The following ROCK2 variants were observed in gnomAD, a reference collection of about 807,000 sequenced individuals.
ROCK2 encodes the protein rho-associated protein kinase 2.
A neutral mutation model predicts 195.1 loss-of-function variants in ROCK2; 61 were observed. That is an observed-to-expected ratio of 0.31 (90% CI 0.25 to 0.39). The LOEUF is 0.39. Ranked by LOEUF, ROCK2 falls within the 10% of genes least tolerant of loss-of-function variation. ROCK2 has a pLI of 1.00. For missense variants in ROCK2, 1,109 were observed against 1,637.4 expected (o/e 0.68, Z 5.57); for synonymous variants, 504 against 545.5 (o/e 0.92, Z 1.06).
At chr2:11,267,069 A>G (rs907867513) in intron 3 of ROCK2, among the ~76,000 whole-genome samples, 1 of 152,226 alleles carries the variant, frequency 6.6e-6, no homozygotes, top group African/African-American at 2.4e-5. Flanking sequence ...TGCCATTAAG[A>G]CATGATAAAT....
chr2:11,218,888 C>A, intron 10 of ROCK2, 78 bp downstream of exon 10: 1 of 807,308 alleles, frequency 1.2e-6, no homozygotes, highest in Non-Finnish European at 2.0e-6. Context: ...ATCAAATTAG[C>A]TTTTTAAAAA....
intron 1 of ROCK2, among the ~76,000 whole-genome samples, chr2:11,294,236 CATT>C (rs1165939920): frequency 5.9e-5 from 9 of 152,066 alleles, no homozygotes; most frequent in African/African-American, 2.2e-4. Flanking sequence ...CAAAAAATCA[CATT>C]ATTGATTTGA....
chr2:11,237,230 G>A (rs1479939862), intron 4 of ROCK2, among the ~76,000 whole-genome samples: 1 of 152,080 alleles, frequency 6.6e-6, no homozygotes, highest in Non-Finnish European at 1.5e-5. Flanking sequence ...ACATTAGGCT[G>A]ATATGAGGAC....
intron 4 of ROCK2, among the ~76,000 whole-genome samples, chr2:11,245,732 G>C (rs966030207): frequency 2.6e-5 from 4 of 152,088 alleles, no homozygotes; most frequent in Admixed American, 2.0e-4. Context: ...GATTATTAAG[G>C]CTTCGTTAAA....
chr2:11,214,790 T>A (rs1325277413), intron 16 of ROCK2, 50 bp downstream of exon 16: 1 of 1,517,536 alleles, frequency 6.6e-7, no homozygotes, highest in African/African-American at 1.4e-5. Flanking sequence ...AAGTTATTTT[T>A]AAAATAAGAA....
intron 3 of ROCK2, among the ~76,000 whole-genome samples, chr2:11,281,680 T>C (rs1242455697): frequency 2.0e-5 from 3 of 152,146 alleles, no homozygotes; most frequent in Non-Finnish European, 4.4e-5. Context: ...ATATGAGCAA[T>C]GTATATGAAA....
chr2:11,320,733 C>T (rs1668374757), intron 1 of ROCK2, among the ~76,000 whole-genome samples: 1 of 152,150 alleles, frequency 6.6e-6, no homozygotes. Context: ...AGACGGTGGT[C>T]CCTCCCTGAG....
intron 1 of ROCK2, among the ~76,000 whole-genome samples, chr2:11,316,691 T>A (rs569587371): frequency 6.6e-6 from 1 of 152,252 alleles, no homozygotes; most frequent in East Asian, 1.9e-4. Context: ...AAAAAGTAAA[T>A]TTCTTTAAGA....
At chr2:11,250,301 G>T (rs1005325104) in intron 3 of ROCK2, among the ~76,000 whole-genome samples, 8 of 152,086 alleles carry the variant, frequency 5.3e-5, no homozygotes, top group African/African-American at 1.9e-4. Context: ...TAATTAAAGG[G>T]TTTTTTTGTT....
intron 3 of ROCK2, among the ~76,000 whole-genome samples, chr2:11,253,708 T>C (rs969476359): frequency 1.3e-5 from 2 of 152,262 alleles, no homozygotes; most frequent in Admixed American, 1.3e-4. Context: ...TCACTAAATA[T>C]TTAATGACTC....
In ROCK2 at chr2:11,180,737, G is replaced by A. The variant is rs956452297; in HGVS notation, c.*2700C>T. ...CTTATATTTATCTTGGAAGCTTCAGGGCCTCAAGAAAAACGAGAAACGAGC... is the reference window on the plus strand; with the variant it reads ...CTTATATTTATCTTGGAAGCTTCAGAGCCTCAAGAAAAACGAGAAACGAGC... On this transcript the variant is annotated 3_prime_UTR_variant, in exon 33 of 33. Coordinates refer to ENST00000315872, the MANE Select transcript of ROCK2 (RefSeq NM_004850.5). The A allele has an allele frequency of 1.3e-5, 2 of 152,096 alleles. No homozygotes were observed. The highest frequency in any genetic ancestry group is 2.9e-5 in the Non-Finnish European group (2 of 68,028). The allele number at this position is 152,096 out of a possible 1,614,324, so 9.4% of individuals were successfully genotyped here.
At chr2:11,236,104 T>C (rs576194367) in intron 4 of ROCK2, 142 bp from the exon 5 acceptor site, 2 of 768,362 alleles carry the variant, frequency 2.6e-6, no homozygotes, top group South Asian at 6.1e-5. Context: ...AGATCTTTTA[T>C]TTTAGACTCA....
upstream of ROCK2, chr2:11,344,669 TCCGCCCGCAGCCGCCGGCGCGCGTCC>T (rs1315649044): frequency 6.4e-6 from 1 of 155,890 alleles, no homozygotes; most frequent in Non-Finnish European, 1.3e-5. The surrounding 1 kb of genome is among the most constrained non-coding windows in gnomAD (Gnocchi z 5.4). Context: ...CACAAGCCCC[TCCGCCCGCAGCCGCCGGCGCGCGTCC>T]CCGCCGGCCC....
At chr2:11,308,358 A>G (rs1667928262) in intron 1 of ROCK2, 1 of 1,263,238 alleles carries the variant, frequency 7.9e-7, no homozygotes, top group Non-Finnish European at 1.2e-6. Context: ...TTTGATGTTT[A>G]GCCTGTCCCA....
intron 29 of ROCK2, 95 bp from the exon 30 acceptor site, chr2:11,193,952 T>C (rs1663530591): frequency 5.1e-6 from 3 of 583,040 alleles, no homozygotes; most frequent in Non-Finnish European, 8.6e-6. Flanking sequence ...AAACACTGAC[T>C]ACTTTGACCC....
intron 3 of ROCK2, among the ~76,000 whole-genome samples, chr2:11,278,989 A>T (rs963215101): frequency 6.6e-5 from 10 of 152,156 alleles, no homozygotes; most frequent in African/African-American, 2.2e-4. Context: ...AAAAAAAGGA[A>T]AAAAGTAGAC....
chr2:11,222,155 T>C lies in ROCK2; in HGVS notation c.1027A>G (p.Asn343Asp). 1 of 1,608,616 alleles carries C rather than the reference T, an allele frequency of 6.2e-7. No homozygotes were observed. Among genetic ancestry groups the C allele is most frequent in the Non-Finnish European group, 8.5e-7 (1 of 1,175,658 alleles). ...LTDREVRLGRNGVEEIRQHPF... is the reference protein window; with the variant it reads ...LTDREVRLGRDGVEEIRQHPF... Reference sequence around the variant, plus strand: ...TGCTGTCTGATTTCTTCCACCCCATTTCTCCCAAGTCGTACCTCCCTAAAC... The same window carrying C: ...TGCTGTCTGATTTCTTCCACCCCATCTCTCCCAAGTCGTACCTCCCTAAAC... Residue 343 changes from asparagine (N) to aspartate (D), a missense_variant, in exon 8 of 33, where the codon AAT becomes GAT. Asn to Asp is a conservative substitution (Grantham distance 23, BLOSUM62 1). Transcript: ENST00000315872.
rs1016508224 is a variant in ROCK2, at chr2:11,260,201, A to G, written c.325-10403T>C. 3.3e-5 allele frequency among the ~76,000 whole-genome samples: 5 copies of G among 151,180 alleles called. 1 individual carries two copies. Among genetic ancestry groups the G allele is most frequent in the African/African-American group, 1.2e-4 (5 of 40,526 alleles). ...GGTGGCTCACGCCTGTAATCCCAGCACTTTGGGAGGCTGAGGCAGGTGTAT... is the reference window on the plus strand; with the variant it reads ...GGTGGCTCACGCCTGTAATCCCAGCGCTTTGGGAGGCTGAGGCAGGTGTAT... On this transcript the variant is annotated intron_variant, in intron 3 of 32. Transcript: ENST00000315872.
chr2:11,232,162 C>T (rs7560132), intron 5 of ROCK2, among the ~76,000 whole-genome samples: 58,741 of 151,316 alleles, frequency 0.39, 13,244 homozygotes, highest in Admixed American at 0.52. Flanking sequence ...CTTGCTCTGT[C>T]GCCCAGGCTG....
Sources: gnomAD v4.1 joint callset for allele counts (sites outside exome capture counted in the v4.1 genomes callset) on GRCh38, gnomAD v4.1.1 for gene constraint, Gnocchi (gnomAD v3.1) non-coding constraint, MANE v1.5 for transcripts, NCBI Gene and HGNC (gene_info 2026-07-23, HGNC 2026-07-21) for gene names.